The following ILDR2 variants were observed in gnomAD, a reference collection of about 807,000 sequenced individuals.
ILDR2 encodes immunoglobulin like domain containing receptor 2.
Under a neutral mutation model 66.8 loss-of-function variants are expected in ILDR2, and 25 were observed. The ratio of observed to expected loss-of-function variants is 0.37; its 90% CI spans 0.27 to 0.52. ILDR2 has a LOEUF of 0.52. Ranked by LOEUF, ILDR2 falls within the 20% of genes least tolerant of loss-of-function variation. The probability of loss-of-function intolerance (pLI) is 0.88; values close to 1 mark genes in which losing one functional copy is unlikely to be tolerated. For synonymous variants in ILDR2, 367 were observed against 357.2 expected (o/e 1.03, Z -0.31); for missense variants, 827 against 876.8 (o/e 0.94, Z 0.72).
intron 2 of ILDR2, among the ~76,000 whole-genome samples, chr1:166,902,405 C>T (rs1659279871): frequency 6.6e-6 from 1 of 152,240 alleles, no homozygotes; most frequent in African/African-American, 2.4e-5. Flanking sequence ...AGAGCAGTAA[C>T]TCCAGGCCTA....
At position 166,911,800 on chromosome 1, in the gene ILDR2, T is replaced by C. The variant is rs1659480376; in HGVS notation, c.*7555A>G. On this transcript the variant is annotated 3_prime_UTR_variant, in exon 10 of 10. Coordinates refer to ENST00000271417, the MANE Select transcript of ILDR2 (RefSeq NM_199351.3). ...TAGAGCTAGCTGAAAAGAAAATTAG[T>C]GAGCTGGAAGATAAACCTGAAGAAA... 1 of 151,616 alleles carries C rather than the reference T, an allele frequency of 6.6e-6. No homozygotes were observed. The highest frequency in any genetic ancestry group is 2.4e-5 in the African/African-American group (1 of 41,282). 9.4% of individuals were successfully genotyped at this position (151,616 alleles called of 1,614,324 possible). A position where few individuals can be genotyped will look rare whatever the true frequency, so the allele number is the denominator to read the frequency against.
At chr1:166,951,959 A>T (rs1161508469) in intron 3 of ILDR2, among the ~76,000 whole-genome samples, 1 of 152,190 alleles carries the variant, frequency 6.6e-6, no homozygotes. Flanking sequence ...AGGGGTGTTC[A>T]TCCAGTCACA....
At position 166,920,726 on chromosome 1, in the gene ILDR2, T is replaced by C. The variant is rs868345635; in HGVS notation, c.1865A>G (p.Lys622Arg). The change falls in exon 9 of 10, where the codon AAG becomes AGG. Residue 622 changes from lysine (K) to arginine (R), a missense_variant. Lys to Arg is a conservative substitution (Grantham distance 26). Transcript: ENST00000271417. ...YHSNSEKKRK[K>R]EPAKKTNDFP... is the part of the protein sequence containing the mutation. ...TCTCACGGTTTTCTTGGCGGGCTCC[T>C]TTTTCCTCTTCTTCTCCGAGTTGCT... 1.4e-6 allele frequency: 2 copies of C among 1,433,492 alleles called. No individual in the cohort carries two copies. The highest frequency in any genetic ancestry group is 9.2e-7 in the Non-Finnish European group (1 of 1,090,062). 88.8% of individuals were successfully genotyped at this position (1,433,492 alleles called of 1,614,324 possible).
chr1:166,935,046 A>G (rs1232677167), intron 6 of ILDR2, among the ~76,000 whole-genome samples: 1 of 152,114 alleles, frequency 6.6e-6, no homozygotes, highest in East Asian at 1.9e-4. Context: ...CATTCAAGGG[A>G]TATCTTGTCT....
chr1:166,935,250 C>T (rs1660875923), intron 6 of ILDR2, 51 bp downstream of exon 6: 1 of 1,593,932 alleles, frequency 6.3e-7, no homozygotes, highest in South Asian at 1.1e-5. Flanking sequence ...CAAGGAACCA[C>T]TGTGGGGGCC....
In ILDR2 at chr1:166,912,260, A is replaced by T. The variant is rs146207679; in HGVS notation, c.*7095T>A. 5.3e-5 allele frequency: 8 copies of T among 152,338 alleles called. No homozygotes were observed. The highest frequency in any genetic ancestry group is 1.7e-4 in the African/African-American group (7 of 41,590). The allele number at this position is 152,338 out of a possible 1,614,324, so 9.4% of individuals were successfully genotyped here. ...AAATAACTATCAATCTAGAATCATA[A>T]TCAGTGAAATTATCTTTCAAGAACA... On this transcript the variant is annotated 3_prime_UTR_variant, in exon 10 of 10. Transcript: ENST00000271417.
intron 5 of ILDR2, among the ~76,000 whole-genome samples, chr1:166,935,793 G>A (rs1406021202): frequency 6.6e-6 from 1 of 152,180 alleles, no homozygotes; most frequent in Admixed American, 6.5e-5. Context: ...TACCCACACT[G>A]TCTGGAGGCT....
chr1:166,927,203 G>A (rs756963336), intron 6 of ILDR2, 23 bp from the exon 7 acceptor site: 5 of 1,544,856 alleles, frequency 3.2e-6, no homozygotes, highest in Non-Finnish European at 4.4e-6. Flanking sequence ...GCACAAGAAG[G>A]TGAGCTGAAA....
At chr1:166,897,438 A>C (rs894710467) in intron 2 of ILDR2, among the ~76,000 whole-genome samples, 1 of 152,104 alleles carries the variant, frequency 6.6e-6, no homozygotes, top group Non-Finnish European at 1.5e-5. Flanking sequence ...ATTTATGCTA[A>C]TGAGGTGATT....
At chr1:166,954,962 G>A (rs1662186192) in intron 3 of ILDR2, among the ~76,000 whole-genome samples, 1 of 152,162 alleles carries the variant, frequency 6.6e-6, no homozygotes, top group South Asian at 2.1e-4. Flanking sequence ...CTACTTCTCT[G>A]CAAATGGCTG....
At chr1:166,967,302 C>G (rs1181339168) in intron 1 of ILDR2, among the ~76,000 whole-genome samples, 1 of 152,104 alleles carries the variant, frequency 6.6e-6, no homozygotes, top group African/African-American at 2.4e-5. Context: ...GATTTGGACT[C>G]TTACAGGAGA....
chr1:166,931,822 C>T (rs977721777), intron 6 of ILDR2, among the ~76,000 whole-genome samples: 2 of 152,174 alleles, frequency 1.3e-5, no homozygotes, highest in African/African-American at 4.8e-5. Flanking sequence ...ACAACAATGC[C>T]ATCCACTGAG....
At chr1:166,975,006 G>A (rs1422494197) in intron 1 of ILDR2, among the ~76,000 whole-genome samples, 1 of 146,380 alleles carries the variant, frequency 6.8e-6, no homozygotes, top group Non-Finnish European at 1.5e-5. Context: ...CTTCTCCCCC[G>A]CCGCCCCCAT....
At chr1:166,960,646 G>A (rs1380126111) in intron 1 of ILDR2, among the ~76,000 whole-genome samples, 1 of 152,026 alleles carries the variant, frequency 6.6e-6, no homozygotes, top group Non-Finnish European at 1.5e-5. Context: ...CTCCCATCCT[G>A]AATCTTGATA....
intron 3 of ILDR2, among the ~76,000 whole-genome samples, chr1:166,946,909 A>G (rs903025357): frequency 2.0e-5 from 3 of 152,246 alleles, no homozygotes; most frequent in Non-Finnish European, 4.4e-5. Context: ...AATGTTGGAG[A>G]TAACTGAAAT....
At chr1:166,960,515 T>A (rs537156847) in intron 1 of ILDR2, among the ~76,000 whole-genome samples, 8 of 152,316 alleles carry the variant, frequency 5.3e-5, no homozygotes, top group African/African-American at 1.9e-4. Flanking sequence ...CTCAGAGTTG[T>A]TAACAAACAT....
intron 1 of ILDR2, among the ~76,000 whole-genome samples, chr1:166,959,262 A>G (rs989409824): frequency 6.6e-6 from 1 of 152,178 alleles, no homozygotes; most frequent in Non-Finnish European, 1.5e-5. Flanking sequence ...ATTTTCTTCT[A>G]AACATTTACT....
In ILDR2 at chr1:166,921,112, G is replaced by A. The variant is rs1456072664; in HGVS notation, c.1479C>T (p.Arg493=). ...RSREPLTDAD[R]GWAFSPARRR... ...GGCGCGCGGGGCTGAAGGCCCAGCC[G>A]CGGTCAGCATCGGTCAGGGGCTCGC... Residue 493 remains arginine (R), a synonymous_variant, in exon 9 of 10, where the codon CGC becomes CGT. Transcript: ENST00000271417. The surrounding 1 kb of genome is among the most constrained non-coding windows in gnomAD (Gnocchi z 5.3). The A allele has an allele frequency of 6.6e-7, 1 of 1,517,122 alleles. No homozygotes were observed. Among genetic ancestry groups the A allele is most frequent in the East Asian group, 2.6e-5 (1 of 38,974 alleles). 94.0% of individuals were successfully genotyped at this position (1,517,122 alleles called of 1,614,324 possible). A position where few individuals can be genotyped will look rare whatever the true frequency, so the allele number is the denominator to read the frequency against.
At chr1:166,958,640 C>G (rs565991071) in intron 1 of ILDR2, among the ~76,000 whole-genome samples, 84 of 152,198 alleles carry the variant, frequency 5.5e-4, no homozygotes, top group African/African-American at 2.0e-3. Context: ...GAGAGCGGAC[C>G]AATACAACCT....
Sources: gnomAD v4.1 joint callset for allele counts (sites outside exome capture counted in the v4.1 genomes callset) on GRCh38, gnomAD v4.1.1 for gene constraint, Gnocchi (gnomAD v3.1) non-coding constraint, MANE v1.5 for transcripts, NCBI Gene and HGNC (gene_info 2026-07-23, HGNC 2026-07-21) for gene names.